The following PTPRN2 variants were observed in gnomAD, a reference collection of about 807,000 sequenced individuals.
The protein encoded by PTPRN2 is protein tyrosine phosphatase receptor type N2, also known as receptor-type tyrosine-protein phosphatase N2.
PTPRN2 carries 74 observed loss-of-function variants against 118.8 expected under a neutral mutation model. The ratio of observed to expected loss-of-function variants is 0.62; its 90% CI spans 0.52 to 0.76. PTPRN2 has a LOEUF of 0.76. PTPRN2 is among the 30% of genes least tolerant of loss of function. PTPRN2 has a pLI of 0.00. For synonymous variants in PTPRN2, 641 were observed against 608.0 expected, an observed-to-expected ratio of 1.05 and a Z score of -0.80; for missense variants, 1,481 against 1,394.4, an observed-to-expected ratio of 1.06 and a Z score of -0.99.
intron 6 of PTPRN2, among the ~76,000 whole-genome samples, chr7:158,150,488 A>T (rs111323516): frequency 6.6e-6 from 1 of 152,130 alleles, no homozygotes; most frequent in Non-Finnish European, 1.5e-5. Flanking sequence ...TGTCCCCTGC[A>T]CTGACCTTCA....
chr7:158,256,239 C>T (rs1330138571), intron 3 of PTPRN2, among the ~76,000 whole-genome samples: 2 of 152,146 alleles, frequency 1.3e-5, no homozygotes, highest in African/African-American at 2.4e-5. Context: ...AAGCTCTGTC[C>T]CCCACACAAT....
At position 157,726,077 on chromosome 7, in the gene PTPRN2, G is replaced by A. The variant is rs537257795; in HGVS notation, c.1789-43140C>T. Among the ~76,000 whole-genome samples, 58 of 131,620 alleles carry A rather than the reference G, an allele frequency of 4.4e-4. 2 individuals are homozygous for A. Among genetic ancestry groups the A allele is most frequent in the African/African-American group, 1.5e-3 (50 of 32,642 alleles). The allele number at this position is 131,620 out of a possible 152,430, so 86.3% of individuals were successfully genotyped here. ...GGAGAACTGGATATCCACACGCAGA[G>A]GAGTGTGGCCAGACCCTCACCTCCC... is the stretch of plus-strand genomic sequence containing the variant. On this transcript the variant is annotated intron_variant, in intron 12 of 22. Transcript: ENST00000389418.
intron 2 of PTPRN2, among the ~76,000 whole-genome samples, chr7:158,338,309 C>T (rs1263397627): frequency 1.6e-5 from 1 of 62,632 alleles, no homozygotes; most frequent in African/African-American, 7.8e-5. Flanking sequence ...CACACCCACA[C>T]TGTCACCATA....
intron 3 of PTPRN2, among the ~76,000 whole-genome samples, chr7:158,227,719 G>A (rs1828899667): frequency 6.6e-6 from 1 of 152,250 alleles, no homozygotes; most frequent in Non-Finnish European, 1.5e-5. Flanking sequence ...TGAGCAGAGT[G>A]TGAAGGATGA....
At chr7:157,802,278 C>T (rs1032651337) in intron 12 of PTPRN2, among the ~76,000 whole-genome samples, 1 of 152,246 alleles carries the variant, frequency 6.6e-6, no homozygotes, top group Non-Finnish European at 1.5e-5. Context: ...CCATCCTCCT[C>T]TCTTCTTCGG....
At chr7:158,246,267 GA>G (rs1238454977) in intron 3 of PTPRN2, among the ~76,000 whole-genome samples, 2 of 151,888 alleles carry the variant, frequency 1.3e-5, no homozygotes, top group South Asian at 2.1e-4. Context: ...CTTGAAGGAA[GA>G]GGGGGAAAAA....
chr7:158,094,914 T>C (rs2150330383), intron 10 of PTPRN2, among the ~76,000 whole-genome samples: 1 of 152,306 alleles, frequency 6.6e-6, no homozygotes, highest in East Asian at 1.9e-4. Context: ...GTTTTACTTT[T>C]GTTTCTCTGG....
At chr7:158,545,517 G>A (rs145483059) in intron 1 of PTPRN2, among the ~76,000 whole-genome samples, 2 of 152,306 alleles carry the variant, frequency 1.3e-5, no homozygotes, top group African/African-American at 2.4e-5. Flanking sequence ...AGCCGTCTGC[G>A]GGCCTCAGGG....
At chr7:158,089,663 C>G (rs1269630764) in intron 10 of PTPRN2, among the ~76,000 whole-genome samples, 2 of 144,364 alleles carry the variant, frequency 1.4e-5, no homozygotes, top group African/African-American at 5.6e-5. Context: ...AAGGGGGAGT[C>G]TTCACACAAA....
intron 2 of PTPRN2, among the ~76,000 whole-genome samples, chr7:158,366,470 C>T (rs181716030): frequency 1.7e-3 from 264 of 152,364 alleles, no homozygotes; most frequent in African/African-American, 6.1e-3. Context: ...CCCACAGCAT[C>T]CCTGGGAGAA....
intron 2 of PTPRN2, among the ~76,000 whole-genome samples, chr7:158,463,138 T>C (rs1563323922): frequency 6.6e-6 from 1 of 152,208 alleles, no homozygotes; most frequent in Non-Finnish European, 1.5e-5. Context: ...TGTGTACTTT[T>C]ATAAGCTTCC....
chr7:157,968,947 G>A (rs1802128378), intron 11 of PTPRN2, among the ~76,000 whole-genome samples: 2 of 152,202 alleles, frequency 1.3e-5, no homozygotes, highest in African/African-American at 4.8e-5. Flanking sequence ...TCAGTGGAAG[G>A]TGCCGAAGAA....
At chr7:158,086,348 C>T (rs548438867) in intron 10 of PTPRN2, among the ~76,000 whole-genome samples, 1 of 152,348 alleles carries the variant, frequency 6.6e-6, no homozygotes, top group Admixed American at 6.5e-5. Flanking sequence ...CACCACTCCA[C>T]ACAGCTCCAT....
At chr7:158,136,366 CT>C (rs1818809498) in intron 8 of PTPRN2, among the ~76,000 whole-genome samples, 1 of 152,176 alleles carries the variant, frequency 6.6e-6, no homozygotes, top group South Asian at 2.1e-4. Context: ...ATAATCCTGG[CT>C]GGGAAATTCC....
At chr7:158,295,558 G>T (rs1326748558) in intron 3 of PTPRN2, among the ~76,000 whole-genome samples, 1 of 100,862 alleles carries the variant, frequency 9.9e-6, no homozygotes, top group Non-Finnish European at 2.0e-5. Flanking sequence ...CTAAGCCCAT[G>T]GAGCTCGCTG....
At chr7:157,860,579 G>A (rs190068782) in intron 12 of PTPRN2, among the ~76,000 whole-genome samples, 10 of 152,352 alleles carry the variant, frequency 6.6e-5, no homozygotes, top group African/African-American at 2.2e-4. Flanking sequence ...CTGTGTGAAC[G>A]CGTTTCCACG....
At chr7:158,280,678 A>G (rs1186091888) in intron 3 of PTPRN2, among the ~76,000 whole-genome samples, 2 of 151,940 alleles carry the variant, frequency 1.3e-5, no homozygotes, top group Admixed American at 1.3e-4. Context: ...GCGGCCGTGG[A>G]GTTTCTCCAC....
chr7:157,901,387 G>A (rs1278790636), intron 11 of PTPRN2, among the ~76,000 whole-genome samples: 1 of 152,160 alleles, frequency 6.6e-6, no homozygotes, highest in Non-Finnish European at 1.5e-5. Context: ...GCATGGCGGG[G>A]CCGAACCAAC....
At chr7:158,138,947 G>C (rs142245983) in intron 6 of PTPRN2, among the ~76,000 whole-genome samples, 3 of 143,254 alleles carry the variant, frequency 2.1e-5, no homozygotes, top group Non-Finnish European at 4.4e-5. Context: ...CCCTGCCCAG[G>C]ACACCCTGCC....
Sources: gnomAD v4.1 joint callset for allele counts (sites outside exome capture counted in the v4.1 genomes callset) on GRCh38, gnomAD v4.1.1 for gene constraint, MANE v1.5 for transcripts, NCBI Gene and HGNC (gene_info 2026-07-23, HGNC 2026-07-21) for gene names.